ERBB4: variants seen among roughly 807,000 people sequenced by gnomAD.
ERBB4 encodes the protein receptor tyrosine-protein kinase erbB-4.
ERBB4 carries 42 observed loss-of-function variants against 158.0 expected under a neutral mutation model. The observed-to-expected ratio is 0.27, with a 90% CI of 0.21 to 0.34. The LOEUF (loss-of-function observed/expected upper bound fraction) is 0.34. Ranked by LOEUF, ERBB4 falls within the 10% of genes least tolerant of loss-of-function variation. The probability of loss-of-function intolerance (pLI) is 1.00; values close to 1 mark genes in which losing one functional copy is unlikely to be tolerated. For synonymous variants in ERBB4, 583 were observed against 558.7 expected (o/e 1.04, Z -0.61); for missense variants, 1,333 against 1,624.1 (o/e 0.82, Z 3.08).
Position 212,480,566 on chromosome 2 carries a change from T to C in ERBB4, c.82+57883A>G, listed in dbSNP as rs561686807. ...GCCATTCAAAGATAGTGCCTCCTTATATAATGTGTGCCATGCAGCATGTAA... is the reference window on the plus strand; with the variant it reads ...GCCATTCAAAGATAGTGCCTCCTTACATAATGTGTGCCATGCAGCATGTAA... On this transcript the variant is annotated intron_variant, in intron 1 of 27. Coordinates refer to ENST00000342788, the MANE Select transcript of ERBB4 (RefSeq NM_005235.3). 1.2e-4 allele frequency among the ~76,000 whole-genome samples: 18 copies of C among 152,344 alleles called. No individual in the cohort carries two copies. The South Asian group carries it at 2.3e-3, about 19-fold the overall frequency.
intron 2 of ERBB4, among the ~76,000 whole-genome samples, chr2:212,075,277 T>A (rs2078242045): frequency 6.6e-6 from 1 of 151,946 alleles, no homozygotes; most frequent in South Asian, 2.1e-4. Flanking sequence ...AAAGTTTTAA[T>A]TGGTATAGGA....
At chr2:211,517,415 C>T (rs2125630937) in intron 20 of ERBB4, among the ~76,000 whole-genome samples, 2 of 152,104 alleles carry the variant, frequency 1.3e-5, no homozygotes, top group Middle Eastern at 6.9e-3. Context: ...ACTTTGGATT[C>T]CTATTTTCTT....
intron 1 of ERBB4, among the ~76,000 whole-genome samples, chr2:212,309,691 T>C (rs970386608): frequency 2.7e-5 from 4 of 150,778 alleles, no homozygotes; most frequent in Middle Eastern, 3.4e-3. Context: ...TAGTTACATA[T>C]GTATTTGCAC....
intron 20 of ERBB4, among the ~76,000 whole-genome samples, chr2:211,550,050 T>C (rs1048435447): frequency 2.6e-5 from 4 of 152,148 alleles, no homozygotes; most frequent in African/African-American, 7.2e-5. Flanking sequence ...AAAAATTGTA[T>C]GCATTTAAAA....
intron 1 of ERBB4, among the ~76,000 whole-genome samples, chr2:212,408,987 C>A (rs896756254): frequency 2.6e-5 from 4 of 152,166 alleles, no homozygotes; most frequent in Non-Finnish European, 4.4e-5. Flanking sequence ...AATAGAATTC[C>A]TTTCCTCTTG....
intron 23 of ERBB4, among the ~76,000 whole-genome samples, chr2:211,423,646 A>G (rs2063558995): frequency 6.6e-6 from 1 of 151,974 alleles, no homozygotes; most frequent in Non-Finnish European, 1.5e-5. Flanking sequence ...AGCTCACTAT[A>G]GATTCATTTC....
chr2:212,031,732 A>G (rs145585166), intron 2 of ERBB4, among the ~76,000 whole-genome samples: 14 of 152,262 alleles, frequency 9.2e-5, no homozygotes, highest in Non-Finnish European at 1.8e-4. Context: ...TGGTAACTCT[A>G]TGGACCACAT....
chr2:211,432,045 G>A (rs1342955474), intron 20 of ERBB4, among the ~76,000 whole-genome samples: 4 of 152,112 alleles, frequency 2.6e-5, no homozygotes, highest in Non-Finnish European at 4.4e-5. Flanking sequence ...AAATAAACCT[G>A]AGGCCGAGAT....
chr2:212,380,906 C>T (rs2090482363), intron 1 of ERBB4, among the ~76,000 whole-genome samples: 1 of 151,156 alleles, frequency 6.6e-6, no homozygotes. Flanking sequence ...ATTTATTTCA[C>T]AACACAAAAT....
At chr2:212,313,322 C>A (rs552211145) in intron 1 of ERBB4, among the ~76,000 whole-genome samples, 78 of 150,876 alleles carry the variant, frequency 5.2e-4, no homozygotes, top group African/African-American at 1.8e-3. Flanking sequence ...AGAGGTCTTA[C>A]AACTTTTGAA....
At chr2:211,910,576 G>C (rs1007961920) in intron 3 of ERBB4, among the ~76,000 whole-genome samples, 4 of 151,876 alleles carry the variant, frequency 2.6e-5, no homozygotes, top group African/African-American at 9.7e-5. Flanking sequence ...GTCTTTTGCA[G>C]GGTGGAGGGT....
intron 4 of ERBB4, among the ~76,000 whole-genome samples, chr2:211,775,945 C>T (rs751712520): frequency 2.0e-5 from 3 of 151,988 alleles, no homozygotes; most frequent in Non-Finnish European, 4.4e-5. Context: ...ATATACAGAC[C>T]GGGGGCAAGA....
intron 20 of ERBB4, among the ~76,000 whole-genome samples, chr2:211,511,067 T>C (rs2065873008): frequency 6.6e-6 from 1 of 151,990 alleles, no homozygotes. Flanking sequence ...GAATGCTTAT[T>C]GGAGTAGTTA....
intron 19 of ERBB4, among the ~76,000 whole-genome samples, chr2:211,583,654 G>A (rs2068174407): frequency 6.6e-6 from 1 of 151,482 alleles, no homozygotes; most frequent in Admixed American, 6.6e-5. Context: ...CTATAGGACT[G>A]TCTTTTATCA....
At chr2:212,416,711 T>C (rs966660393) in intron 1 of ERBB4, among the ~76,000 whole-genome samples, 1 of 152,084 alleles carries the variant, frequency 6.6e-6, no homozygotes, top group Admixed American at 6.6e-5. Flanking sequence ...ATATGTAGTC[T>C]GGGGTCACTT....
intron 1 of ERBB4, among the ~76,000 whole-genome samples, chr2:212,163,487 T>C (rs1019393106): frequency 3.3e-5 from 5 of 152,096 alleles, no homozygotes; most frequent in South Asian, 2.1e-4. Context: ...ACATAAAGAA[T>C]TGACGTTTAC....
intron 4 of ERBB4, among the ~76,000 whole-genome samples, chr2:211,758,929 A>G (rs2075345861): frequency 6.6e-6 from 1 of 152,222 alleles, no homozygotes; most frequent in African/African-American, 2.4e-5. Context: ...GTGATATGCA[A>G]ACTTATACTT....
At chr2:211,574,078 T>C (rs1414577434) in intron 19 of ERBB4, among the ~76,000 whole-genome samples, 5 of 152,226 alleles carry the variant, frequency 3.3e-5, no homozygotes, top group Non-Finnish European at 4.4e-5. Context: ...ATTATTTTTA[T>C]TAAACCAATT....
chr2:211,762,456 T>C (rs1294320531), intron 4 of ERBB4, among the ~76,000 whole-genome samples: 1 of 152,148 alleles, frequency 6.6e-6, no homozygotes, highest in East Asian at 1.9e-4. Context: ...TTCAGGCTGG[T>C]GCACGTGGAG....
Sources: gnomAD v4.1 joint callset for allele counts (sites outside exome capture counted in the v4.1 genomes callset) on GRCh38, gnomAD v4.1.1 for gene constraint, MANE v1.5 for transcripts, NCBI Gene and HGNC (gene_info 2026-07-23, HGNC 2026-07-21) for gene names.